ATP8A2: variants seen among roughly 807,000 people sequenced by gnomAD.
ATP8A2 encodes the protein ATPase phospholipid transporting 8A2.
ATP8A2 carries 100 observed loss-of-function variants against 165.6 expected under a neutral mutation model. The observed-to-expected ratio is 0.60, with a 90% CI of 0.51 to 0.71. The LOEUF is 0.71. Among genes scored for constraint, ATP8A2 ranks in the 30% least tolerant of loss-of-function variants. The pLI, the probability that ATP8A2 is intolerant of heterozygous loss-of-function variation, is 0.00. For synonymous variants in ATP8A2, 543 were observed against 548.8 expected (o/e 0.99, Z 0.15); for missense variants, 1,227 against 1,479.5 (o/e 0.83, Z 2.80).
intron 33 of ATP8A2, among the ~76,000 whole-genome samples, chr13:25,934,230 G>A (rs186210656): frequency 1.4e-4 from 22 of 152,268 alleles, no homozygotes; most frequent in East Asian, 3.9e-4. Flanking sequence ...TAGTATGTAC[G>A]GGTAGGCTGT....
chr13:25,710,207 T>C (rs12323006), intron 25 of ATP8A2, among the ~76,000 whole-genome samples: 7,288 of 152,332 alleles, frequency 0.048, 216 homozygotes, highest in Middle Eastern at 0.099. Flanking sequence ...CAATATGTAA[T>C]GATCAGATCA....
chr13:25,976,379 C>T (rs796335148), intron 35 of ATP8A2, among the ~76,000 whole-genome samples: 1 of 152,288 alleles, frequency 6.6e-6, no homozygotes, highest in African/African-American at 2.4e-5. Flanking sequence ...CACGTCTGCT[C>T]AGTGTCACCC....
chr13:25,912,627 T>TTCCA, intron 33 of ATP8A2, among the ~76,000 whole-genome samples: 1 of 152,338 alleles, frequency 6.6e-6, no homozygotes, highest in South Asian at 2.1e-4. Flanking sequence ...TATTCGTGAA[T>TTCCA]CATGGCATCA....
intron 1 of ATP8A2, among the ~76,000 whole-genome samples, chr13:25,426,222 C>A (rs6491054): frequency 0.68 from 102,972 of 152,108 alleles, 35,714 homozygotes; most frequent in East Asian, 0.99. Flanking sequence ...GCATGGTGCC[C>A]GCATCTGCTT....
chr13:25,451,367 G>A (rs989287268), intron 1 of ATP8A2, among the ~76,000 whole-genome samples: 12 of 152,082 alleles, frequency 7.9e-5, no homozygotes, highest in Admixed American at 7.2e-4. Flanking sequence ...GAAAGAGAGT[G>A]CGATCCTAGC....
At chr13:25,395,647 C>T (rs2033396449) in intron 1 of ATP8A2, among the ~76,000 whole-genome samples, 1 of 152,084 alleles carries the variant, frequency 6.6e-6, no homozygotes, top group Non-Finnish European at 1.5e-5. Context: ...ACGATCCTCC[C>T]AGCTCAGTCT....
At chr13:25,651,012 G>A (rs2041798946) in intron 24 of ATP8A2, among the ~76,000 whole-genome samples, 1 of 152,126 alleles carries the variant, frequency 6.6e-6, no homozygotes, top group Admixed American at 6.5e-5. Context: ...TAATGAGTTA[G>A]GGAAGCTTTC....
At chr13:25,552,960 A>G (rs2038868350) in intron 11 of ATP8A2, among the ~76,000 whole-genome samples, 1 of 152,038 alleles carries the variant, frequency 6.6e-6, no homozygotes, top group Non-Finnish European at 1.5e-5. Flanking sequence ...CCTAGTAACT[A>G]TGGTTTGGAG....
chr13:25,945,385 G>T (rs578060092), intron 33 of ATP8A2, among the ~76,000 whole-genome samples: 1 of 152,302 alleles, frequency 6.6e-6, no homozygotes, highest in Non-Finnish European at 1.5e-5. Context: ...AGGAAGGCAC[G>T]TTAATGGTGG....
At chr13:25,936,852 A>G (rs1954906354) in intron 33 of ATP8A2, among the ~76,000 whole-genome samples, 1 of 152,146 alleles carries the variant, frequency 6.6e-6, no homozygotes, top group South Asian at 2.1e-4. Flanking sequence ...CTACCTGTCC[A>G]AGACACTCTC....
chr13:25,719,763 GAATT>G (rs1287862070), intron 25 of ATP8A2, among the ~76,000 whole-genome samples: 2 of 152,212 alleles, frequency 1.3e-5, no homozygotes, highest in Non-Finnish European at 1.5e-5. Flanking sequence ...ACACAGAGCA[GAATT>G]AAGTGGGTAG....
chr13:25,764,831 C>A (rs1264502429), intron 25 of ATP8A2, among the ~76,000 whole-genome samples: 1 of 152,186 alleles, frequency 6.6e-6, no homozygotes, highest in Non-Finnish European at 1.5e-5. Flanking sequence ...TTCCTTGTAA[C>A]CCCTCTGGCT....
At chr13:26,014,661 C>T (rs959596458) in intron 36 of ATP8A2, among the ~76,000 whole-genome samples, 15 of 152,130 alleles carry the variant, frequency 9.9e-5, no homozygotes, top group Non-Finnish European at 1.6e-4. Flanking sequence ...AAAAACAAAA[C>T]TGTCTATGGG....
At chr13:25,561,340 T>C (rs1169771396) in intron 15 of ATP8A2, among the ~76,000 whole-genome samples, 3 of 152,306 alleles carry the variant, frequency 2.0e-5, no homozygotes, top group South Asian at 2.1e-4. Flanking sequence ...TCCTCCAGTT[T>C]TGTTATCGTT....
intron 24 of ATP8A2, among the ~76,000 whole-genome samples, chr13:25,659,507 A>G (rs1008563976): frequency 1.4e-4 from 22 of 152,198 alleles, no homozygotes; most frequent in African/African-American, 5.3e-4. Flanking sequence ...TTGCCCTGAG[A>G]TAAGCTATCT....
chr13:25,652,457 T>C (rs2041835314), intron 24 of ATP8A2, among the ~76,000 whole-genome samples: 1 of 152,242 alleles, frequency 6.6e-6, no homozygotes, highest in Admixed American at 6.5e-5. Context: ...CATATTTTAA[T>C]GTTTATTAAT....
chr13:25,973,880 C>T (rs1480886608), intron 35 of ATP8A2, among the ~76,000 whole-genome samples: 1 of 152,176 alleles, frequency 6.6e-6, no homozygotes, highest in African/African-American at 2.4e-5. Context: ...TGGTGCATCT[C>T]CCTTTTGCTT....
At chr13:25,958,868 T>C (rs1389847163) in intron 33 of ATP8A2, among the ~76,000 whole-genome samples, 1 of 152,220 alleles carries the variant, frequency 6.6e-6, no homozygotes, top group Non-Finnish European at 1.5e-5. Flanking sequence ...TTTCCTTTTT[T>C]CCCTCAGCAA....
At chr13:25,478,949 G>A (rs2036076580) in intron 2 of ATP8A2, among the ~76,000 whole-genome samples, 1 of 152,072 alleles carries the variant, frequency 6.6e-6, no homozygotes, top group Admixed American at 6.5e-5. Flanking sequence ...CTGGGTTCAA[G>A]TGATTCCCCT....
Sources: allele counts gnomAD v4.1 joint callset (sites outside exome capture counted in the v4.1 genomes callset), GRCh38; gene constraint gnomAD v4.1.1; transcripts MANE v1.5; gene names NCBI Gene and HGNC (gene_info 2026-07-23, HGNC 2026-07-21).